The following FRY variants were observed in gnomAD, a reference collection of about 807,000 sequenced individuals.
FRY encodes protein furry homolog.
A neutral mutation model predicts 348.4 loss-of-function variants in FRY; 128 were observed. The ratio of observed to expected loss-of-function variants is 0.37; its 90% confidence interval spans 0.32 to 0.43. The LOEUF is 0.43. Ranked by LOEUF, FRY falls within the 20% of genes least tolerant of loss-of-function variation. The probability of loss-of-function intolerance (pLI) is 1.00; values close to 1 mark genes in which losing one functional copy is unlikely to be tolerated. For missense variants in FRY, 2,736 were observed against 3,695.2 expected (o/e 0.74, Z 6.73); for synonymous variants, 1,370 against 1,374.7 (o/e 1.00, Z 0.08).
rs142294309 is a variant in FRY at position 32,195,110 on chromosome 13, C to T, written c.3746+813C>T. Among the ~76,000 whole-genome samples, 470 of 152,266 alleles carry T rather than the reference C, an allele frequency of 3.1e-3. 2 individuals carry two copies. The highest frequency in any genetic ancestry group is 0.011 in the African/African-American group (454 of 41,550). ...TTAGTAAAAGCGGTATTTTGGAAGA[C>T]GTCTACTTTCAATAAACCTAAAATG... On this transcript the variant is annotated intron_variant, in intron 29 of 60. Transcript: ENST00000542859.
chr13:32,140,932 T>C (rs1450690349), intron 11 of FRY, among the ~76,000 whole-genome samples: 1 of 152,192 alleles, frequency 6.6e-6, no homozygotes, highest in African/African-American at 2.4e-5. Context: ...TTAAAATATA[T>C]GGCATTTATT....
intron 2 of FRY, among the ~76,000 whole-genome samples, chr13:32,079,555 G>T (rs1010999826): frequency 6.6e-6 from 1 of 152,156 alleles, no homozygotes; most frequent in Non-Finnish European, 1.5e-5. Flanking sequence ...AACTTGGAAG[G>T]CTATAAATTC....
At position 32,239,853 on chromosome 13, in the gene FRY, C is replaced by G. The variant is rs528150112; in HGVS notation, c.6659C>G (p.Thr2220Ser). 6.2e-7 allele frequency: 1 copy of G among 1,614,002 alleles called. No homozygotes were observed. The highest frequency in any genetic ancestry group is 2.2e-5 in the East Asian group (1 of 44,870). Residue 2220 changes from threonine (T) to serine (S), a missense_variant, in exon 46 of 61, where the codon ACC becomes AGC. Around this residue, in one of 9 missense-constraint regions of FRY, gnomAD observed 789 missense variants for 996.2 expected, o/e 0.79. Coordinates refer to ENST00000542859, the MANE Select transcript of FRY (RefSeq NM_023037.3). This position sits in a 1 kb window ranked among gnomAD's most constrained non-coding sequence, Gnocchi z 4.3. ...RYLHEAYADI[T>S]LNMVTYLAEL... Reference sequence around the variant, plus strand: ...CTTCATGAAGCATATGCTGACATTACCTTGAATATGGTTACCTACCTGGCA... The same window carrying G: ...CTTCATGAAGCATATGCTGACATTAGCTTGAATATGGTTACCTACCTGGCA...
At chr13:32,078,279 G>A (rs1302335722) in intron 1 of FRY, among the ~76,000 whole-genome samples, 1 of 152,316 alleles carries the variant, frequency 6.6e-6, no homozygotes, top group East Asian at 1.9e-4. Context: ...GGCAAACAGA[G>A]CACTGCCTGA....
At chr13:32,198,607 G>T (rs1164651318) in intron 29 of FRY, among the ~76,000 whole-genome samples, 1 of 152,160 alleles carries the variant, frequency 6.6e-6, no homozygotes, top group African/African-American at 2.4e-5. Flanking sequence ...TCTAGGCTTT[G>T]CATGCTTGTT....
intron 1 of FRY, among the ~76,000 whole-genome samples, chr13:32,054,622 C>T (rs1305161771): frequency 6.6e-6 from 1 of 152,124 alleles, no homozygotes; most frequent in Non-Finnish European, 1.5e-5. Context: ...ACCTGTAATC[C>T]CAGCACTTTG....
chr13:32,068,911 C>CTTTTT, intron 1 of FRY, among the ~76,000 whole-genome samples: 1 of 82,858 alleles, frequency 1.2e-5, no homozygotes, highest in Non-Finnish European at 2.3e-5. Context: ...ATGTTCAATT[C>CTTTTT]TTTTTTTTTT....
chr13:32,280,364 A>G (rs998141303), intron 58 of FRY, among the ~76,000 whole-genome samples: 2 of 152,220 alleles, frequency 1.3e-5, no homozygotes, highest in Non-Finnish European at 2.9e-5. Context: ...TGCATCTGTG[A>G]TGTCCTGTCT....
chr13:32,231,139 T>C (rs770630521), intron 40 of FRY, 40 bp from the exon 41 acceptor site: 111 of 1,602,752 alleles, frequency 6.9e-5, no homozygotes, highest in Non-Finnish European at 8.8e-5. Flanking sequence ...AAATGCAAAA[T>C]GACAGTTATA....
Position 32,218,788 on chromosome 13 carries a change from A to C in FRY, c.4722A>C (p.Ser1574=). Residue 1574 remains serine, a synonymous_variant, in exon 36 of 61, where the codon TCA becomes TCC. Coordinates refer to ENST00000542859, the MANE Select transcript of FRY (RefSeq NM_023037.3). ...NVIRAHTRLE[S]RYSNSSGGSY... is the part of the protein sequence containing the mutation. ...TCAGAGCCCACACTCGCCTCGAGTC[A>C]AGATACAGCAATAGCTCTGGAGGAT... 1 of 1,607,912 alleles carries C rather than the reference A, an allele frequency of 6.2e-7. No individual in the cohort carries two copies. The highest frequency in any genetic ancestry group is 8.5e-7 in the Non-Finnish European group (1 of 1,174,468).
intron 3 of FRY, among the ~76,000 whole-genome samples, chr13:32,109,471 A>T (rs1353562011): frequency 6.6e-6 from 1 of 152,218 alleles, no homozygotes; most frequent in Non-Finnish European, 1.5e-5. Context: ...GTGTGCTACA[A>T]GAAGCAACCA....
intron 3 of FRY, among the ~76,000 whole-genome samples, chr13:32,110,565 A>G (rs1221161756): frequency 6.6e-6 from 1 of 151,942 alleles, no homozygotes; most frequent in African/African-American, 2.4e-5. Context: ...AATGACAGCC[A>G]CTAGATACAG....
chr13:32,202,318 T>C (rs1884077704), intron 30 of FRY, 38 bp from the exon 31 acceptor site: 1 of 1,520,118 alleles, frequency 6.6e-7, no homozygotes, highest in African/African-American at 1.4e-5. Flanking sequence ...CAGCTAATGC[T>C]TTTCATACTA....
chr13:32,086,343 G>T (rs1003792828), intron 2 of FRY, among the ~76,000 whole-genome samples: 4 of 152,282 alleles, frequency 2.6e-5, no homozygotes, highest in South Asian at 2.1e-4. Context: ...AGTCACCTAC[G>T]TGTGATCTGT....
intron 34 of FRY, 146 bp from the exon 35 acceptor site, chr13:32,212,146 A>G: frequency 1.6e-6 from 1 of 639,528 alleles, no homozygotes; most frequent in Non-Finnish European, 2.8e-6. Context: ...GATTGTTTAG[A>G]ATGTCTGAGA....
At position 32,239,704 on chromosome 13, in the gene FRY, T is replaced by A; in HGVS notation, c.6517-7T>A. The stretch of plus-strand genomic sequence containing the variant: ...TTTATTCCTAATTGATTTTTTTATT[T>A]TAAAAGGTTTGTTTAGAAGAGAAGA... On this transcript the variant is annotated splice_polypyrimidine_tract_variant and splice_region_variant and intron_variant, in intron 45 of 60. Coordinates refer to ENST00000542859, the MANE Select transcript of FRY (RefSeq NM_023037.3). This position sits in a 1 kb window ranked among gnomAD's most constrained non-coding sequence, Gnocchi z 4.3. The A allele has an allele frequency of 6.2e-7, 1 of 1,600,996 alleles. No individual in the cohort carries two copies. Among genetic ancestry groups the A allele is most frequent in the Non-Finnish European group, 8.6e-7 (1 of 1,168,268 alleles).
At chr13:32,285,891 C>T (rs960748186) in intron 58 of FRY, among the ~76,000 whole-genome samples, 7 of 152,114 alleles carry the variant, frequency 4.6e-5, no homozygotes, top group Admixed American at 2.0e-4. Context: ...GTTTTAGAAA[C>T]CTTTAGATGT....
Position 32,297,596 on chromosome 13 carries a change from AG to A in FRY, c.*2138del, listed in dbSNP as rs2072083386. ...TGTTTTTCTCAATTTTATTTTTAAA[AG>A]GAGATGTATTAATGTGAAAGGTTTC... is the stretch of plus-strand genomic sequence containing the variant. On this transcript the variant is annotated 3_prime_UTR_variant, in exon 61 of 61. Transcript: ENST00000542859. The A allele has an allele frequency of 6.6e-6, 1 of 152,230 alleles. No homozygotes were observed. The highest frequency in any genetic ancestry group is 1.5e-5 in the Non-Finnish European group (1 of 68,042). 9.4% of individuals were successfully genotyped at this position (152,230 alleles called of 1,614,324 possible).
At chr13:32,267,072 T>C (rs1484676163) in intron 54 of FRY, 98 bp from the exon 55 acceptor site, 10 of 1,057,862 alleles carry the variant, frequency 9.5e-6, no homozygotes, top group Admixed American at 1.7e-5. Flanking sequence ...GTAGAATAGC[T>C]ACCTCATTTT....
Sources: allele counts gnomAD v4.1 joint callset (sites outside exome capture counted in the v4.1 genomes callset), GRCh38; gene constraint gnomAD v4.1.1; regional missense constraint gnomAD v4.1.1; non-coding constraint Gnocchi (gnomAD v3.1); transcripts MANE v1.5; gene names NCBI Gene and HGNC (gene_info 2026-07-23, HGNC 2026-07-21).